NEGR1: variants seen among roughly 807,000 people sequenced by gnomAD.
NEGR1 encodes the protein neuronal growth regulator 1.
In NEGR1, 10 loss-of-function variants were observed where a neutral mutation model predicts 40.9. The ratio of observed to expected loss-of-function variants is 0.24; its 90% CI spans 0.15 to 0.42. The LOEUF is 0.42. Among genes scored for constraint, NEGR1 ranks in the 10% least tolerant of loss-of-function variants. The pLI, the probability that NEGR1 is intolerant of heterozygous loss-of-function variation, is 1.00. For synonymous variants in NEGR1, 185 were observed against 166.8 expected, an observed-to-expected ratio of 1.11 and a Z score of -0.84; for missense variants, 352 against 438.9, an observed-to-expected ratio of 0.80 and a Z score of 1.77.
At chr1:72,264,809 T>A (rs552116880) in intron 1 of NEGR1, among the ~76,000 whole-genome samples, 1 of 151,020 alleles carries the variant, frequency 6.6e-6, no homozygotes, top group South Asian at 2.1e-4. Flanking sequence ...AAAATGATAA[T>A]GTTTTATTTC....
intron 1 of NEGR1, among the ~76,000 whole-genome samples, chr1:72,266,714 TAGAC>T (rs1213769173): frequency 3.4e-5 from 4 of 118,868 alleles, no homozygotes; most frequent in Non-Finnish European, 3.5e-5. Flanking sequence ...TATATATATA[TAGAC>T]AGATAAACAC....
At chr1:71,610,275 C>T (rs1650211321) in intron 5 of NEGR1, among the ~76,000 whole-genome samples, 1 of 152,126 alleles carries the variant, frequency 6.6e-6, no homozygotes, top group African/African-American at 2.4e-5. Flanking sequence ...TATATTCCTC[C>T]CTAGTTTTGA....
At chr1:71,898,949 A>T (rs867391028) in intron 2 of NEGR1, among the ~76,000 whole-genome samples, 6 of 119,342 alleles carry the variant, frequency 5.0e-5, no homozygotes, top group African/African-American at 1.7e-4. Context: ...ATATATTGCA[A>T]ATATATATAT....
At chr1:72,089,868 G>A (rs926616342) in intron 1 of NEGR1, among the ~76,000 whole-genome samples, 6 of 152,004 alleles carry the variant, frequency 3.9e-5, no homozygotes, top group African/African-American at 1.4e-4. Context: ...GAAATACTGA[G>A]TCACACCTCA....
chr1:71,973,847 G>A (rs565428716), intron 1 of NEGR1, among the ~76,000 whole-genome samples: 2 of 152,204 alleles, frequency 1.3e-5, no homozygotes, highest in South Asian at 2.1e-4. Context: ...GTGGCTTCTT[G>A]TGTCTGCACT....
chr1:71,894,505 C>T (rs554041515), intron 2 of NEGR1, among the ~76,000 whole-genome samples: 1 of 152,272 alleles, frequency 6.6e-6, no homozygotes, highest in South Asian at 2.1e-4. Context: ...CTTAAAACAA[C>T]ACTGAGATAC....
At chr1:71,640,947 G>C (rs1651329517) in intron 4 of NEGR1, among the ~76,000 whole-genome samples, 1 of 151,996 alleles carries the variant, frequency 6.6e-6, no homozygotes, top group Non-Finnish European at 1.5e-5. Context: ...ATGACTCCTT[G>C]CCATTGGATA....
intron 1 of NEGR1, among the ~76,000 whole-genome samples, chr1:72,171,115 T>A (rs1157214269): frequency 6.6e-6 from 1 of 152,152 alleles, no homozygotes; most frequent in Non-Finnish European, 1.5e-5. Context: ...ACGCTCTGGG[T>A]GTATTTCAGA....
At chr1:71,563,419 C>T (rs780515607) in intron 6 of NEGR1, among the ~76,000 whole-genome samples, 1 of 151,894 alleles carries the variant, frequency 6.6e-6, no homozygotes, top group East Asian at 1.9e-4. Flanking sequence ...AGCATTTTTG[C>T]AGAATAATGT....
chr1:71,407,913 CT>C (rs1228970789), intron 6 of NEGR1: 1 of 185,944 alleles, frequency 5.4e-6, no homozygotes, highest in Non-Finnish European at 1.1e-5. Context: ...CTTATATGTA[CT>C]GTAAATATTT....
chr1:71,488,298 T>C (rs1330006680), intron 6 of NEGR1: 1 of 151,778 alleles, frequency 6.6e-6, no homozygotes, highest in East Asian at 1.9e-4. Context: ...GTAGTTTCCT[T>C]GATGAGAAAG....
At chr1:71,461,564 G>C (rs1458638712) in intron 6 of NEGR1, 1 of 152,134 alleles carries the variant, frequency 6.6e-6, no homozygotes, top group African/African-American at 2.4e-5. Context: ...CCCACAGAAG[G>C]CTGAACAAAT....
At chr1:72,274,946 C>T (rs936242508) in intron 1 of NEGR1, 33 of 1,533,778 alleles carry the variant, frequency 2.2e-5, no homozygotes, top group East Asian at 1.4e-4. Context: ...ATCTCCTTTG[C>T]GCACGATGTA....
At chr1:72,161,914 A>C (rs1651579067) in intron 1 of NEGR1, among the ~76,000 whole-genome samples, 1 of 151,482 alleles carries the variant, frequency 6.6e-6, no homozygotes. Context: ...TGATCTCTTA[A>C]CAACTGACCT....
chr1:72,101,018 T>G (rs1370974458), intron 1 of NEGR1: 2 of 152,176 alleles, frequency 1.3e-5, no homozygotes, highest in Non-Finnish European at 2.9e-5. Context: ...GCACATGACC[T>G]CATCTAACCC....
intron 1 of NEGR1, among the ~76,000 whole-genome samples, chr1:72,270,210 T>C (rs1557607151): frequency 6.6e-6 from 1 of 151,870 alleles, no homozygotes; most frequent in Non-Finnish European, 1.5e-5. Context: ...GCTGTGAATG[T>C]ATGTCATATA....
At chr1:72,281,362 G>C (rs925530868) in intron 1 of NEGR1, among the ~76,000 whole-genome samples, 1 of 152,194 alleles carries the variant, frequency 6.6e-6, no homozygotes, top group Non-Finnish European at 1.5e-5. Flanking sequence ...CAATCTGAAT[G>C]TGGAAGTGGT....
intron 1 of NEGR1, among the ~76,000 whole-genome samples, chr1:72,240,948 G>T (rs766147339): frequency 3.3e-5 from 5 of 151,556 alleles, no homozygotes; most frequent in Non-Finnish European, 3.0e-5. Context: ...AAAGACACCT[G>T]CTTTTCTTCA....
At position 72,194,130 on chromosome 1, in the gene NEGR1, A is replaced by C. The variant is rs150161376; in HGVS notation, c.176+88189T>G. On this transcript the variant is annotated intron_variant, in intron 1 of 6. Coordinates refer to ENST00000357731, the MANE Select transcript of NEGR1 (RefSeq NM_173808.3). ...ATGAAAATTAAACAATTGAATTTAC[A>C]GAAAGGATTTGAACACAATAAATGG... Among the ~76,000 whole-genome samples the C allele has an allele frequency of 2.5e-3, 382 of 152,002 alleles. 5 individuals carry two copies. The highest frequency in any genetic ancestry group is 8.7e-3 in the African/African-American group (363 of 41,522).
Sources: gnomAD v4.1 joint callset for allele counts (sites outside exome capture counted in the v4.1 genomes callset) on GRCh38, gnomAD v4.1.1 for gene constraint, MANE v1.5 for transcripts, NCBI Gene and HGNC (gene_info 2026-07-23, HGNC 2026-07-21) for gene names.